The following TNPO3 variants were observed in gnomAD, a reference collection of about 807,000 sequenced individuals.
TNPO3 encodes transportin 3.
A neutral mutation model predicts 122.8 loss-of-function variants in TNPO3; 65 were observed. The ratio of observed to expected loss-of-function variants is 0.53; its 90% CI spans 0.43 to 0.65. The LOEUF (loss-of-function observed/expected upper bound fraction) is 0.65. Among genes scored for constraint, TNPO3 ranks in the 30% least tolerant of loss-of-function variants. The pLI is 0.00. For synonymous variants in TNPO3, 372 were observed against 411.2 expected, an observed-to-expected ratio of 0.90 and a Z score of 1.15; for missense variants, 850 against 1,136.7, an observed-to-expected ratio of 0.75 and a Z score of 3.63.
chr7:128,998,004 A>AT (rs71162546), intron 7 of TNPO3, among the ~76,000 whole-genome samples: 3,058 of 129,378 alleles, frequency 0.024, 48 homozygotes, highest in African/African-American at 0.029. Context: ...AGCTCAGCTA[A>AT]TTTTTTTTTT....
chr7:129,020,289 TTTAA>T (rs1210471640), intron 1 of TNPO3, among the ~76,000 whole-genome samples: 2 of 152,164 alleles, frequency 1.3e-5, no homozygotes, highest in Admixed American at 6.6e-5. Flanking sequence ...TCAACAAATG[TTTAA>T]TTAATTAATG....
Position 129,048,236 on chromosome 7 carries a change from C to G in TNPO3, c.120+6415G>C, listed in dbSNP as rs575464915. ...CAGAGTGAGACCCTGTCTCAAAAAA[C>G]TAAATAAATAGACCAGGTGCAGTGG... On this transcript the variant is annotated intron_variant, in intron 1 of 22. Coordinates refer to ENST00000265388, the MANE Select transcript of TNPO3 (RefSeq NM_012470.4). Among the ~76,000 whole-genome samples, 79 of 151,996 alleles carry G rather than the reference C, an allele frequency of 5.2e-4. 1 individual carries two copies. The highest frequency in any genetic ancestry group is 1.8e-3 in the African/African-American group (73 of 41,484).
At chr7:128,990,284 T>G (rs905402189) in intron 10 of TNPO3, 184 bp from the exon 11 acceptor site, 1 of 703,316 alleles carries the variant, frequency 1.4e-6, no homozygotes, top group Admixed American at 2.3e-5. Context: ...AAGATAGAAA[T>G]GAAAGATATT....
intron 11 of TNPO3, among the ~76,000 whole-genome samples, chr7:128,988,990 T>C (rs1322135780): frequency 6.6e-6 from 1 of 152,064 alleles, no homozygotes; most frequent in Non-Finnish European, 1.5e-5. Flanking sequence ...GGCAGGAGAA[T>C]CACTTGAACC....
intron 9 of TNPO3, 94 bp downstream of exon 9, chr7:128,993,713 T>C (rs1800997627): frequency 9.1e-7 from 1 of 1,096,130 alleles, no homozygotes; most frequent in Non-Finnish European, 1.3e-6. Context: ...GCCACTAAAA[T>C]TGAAGAAATA....
In TNPO3 at chr7:128,970,138, A is replaced by G; in HGVS notation, c.2598+10T>C. The G allele has an allele frequency of 6.2e-7, 1 of 1,614,014 alleles. No individual in the cohort carries two copies. Among genetic ancestry groups the G allele is most frequent in the Non-Finnish European group, 8.5e-7 (1 of 1,179,932 alleles). ...ACTATGAGATAAATTCCTCATGAAAACAATCTTACCGGTCTGTCAACCTGC... is the reference window on the plus strand; with the variant it reads ...ACTATGAGATAAATTCCTCATGAAAGCAATCTTACCGGTCTGTCAACCTGC... On this transcript the variant is annotated intron_variant, in intron 20 of 22. Coordinates refer to ENST00000265388, the MANE Select transcript of TNPO3 (RefSeq NM_012470.4).
At chr7:128,996,550 T>C (rs957310564) in intron 8 of TNPO3, among the ~76,000 whole-genome samples, 2 of 151,970 alleles carry the variant, frequency 1.3e-5, no homozygotes, top group East Asian at 3.9e-4. Flanking sequence ...GAGACCATCC[T>C]GGCTAACACG....
chr7:128,967,164 G>T, intron 21 of TNPO3, 116 bp downstream of exon 21: 1 of 687,714 alleles, frequency 1.5e-6, no homozygotes, highest in Non-Finnish European at 2.5e-6. Flanking sequence ...ATGCCAATTT[G>T]TGCAATTCAA....
intron 1 of TNPO3, among the ~76,000 whole-genome samples, chr7:129,022,817 T>C (rs905177533): frequency 6.6e-6 from 1 of 152,204 alleles, no homozygotes; most frequent in African/African-American, 2.4e-5. Flanking sequence ...AACTGTTACT[T>C]GCAAAAATGT....
chr7:128,970,464 G>A (rs911794179), intron 19 of TNPO3, 149 bp from the exon 20 acceptor site: 15 of 610,060 alleles, frequency 2.5e-5, no homozygotes, highest in Non-Finnish European at 4.0e-5. Flanking sequence ...GCAGGTGTGT[G>A]TAAAATGACA....
At chr7:129,036,099 G>A (rs1192196466) in intron 1 of TNPO3, among the ~76,000 whole-genome samples, 1 of 151,806 alleles carries the variant, frequency 6.6e-6, no homozygotes, top group South Asian at 2.1e-4. Context: ...GACTCCAGGC[G>A]CCTGCCACCA....
At chr7:129,013,111 T>G (rs1433020634) in intron 4 of TNPO3, among the ~76,000 whole-genome samples, 1 of 152,194 alleles carries the variant, frequency 6.6e-6, no homozygotes, top group Non-Finnish European at 1.5e-5. Context: ...AATCCTTTCT[T>G]TTATCTCTCA....
intron 4 of TNPO3, among the ~76,000 whole-genome samples, chr7:129,007,977 C>T (rs1421921850): frequency 3.3e-5 from 5 of 151,702 alleles, no homozygotes; most frequent in African/African-American, 4.8e-5. Context: ...GGTGAAACCC[C>T]GTCTCTACTA....
rs1798709973 is a variant in TNPO3, at chr7:128,973,598, T to C, written c.2274-1016A>G. Among the ~76,000 whole-genome samples the C allele has an allele frequency of 3.3e-5, 5 of 150,166 alleles. No homozygotes were observed. In the South Asian group the frequency reaches 1.1e-3, roughly 32 times the overall value. The stretch of plus-strand genomic sequence containing the variant: ...AAAAATACAAAAAATTAGCTGGGTG[T>C]GGTGGCGGGTGCCTGTAGTCCCAGC... On this transcript the variant is annotated intron_variant, in intron 18 of 22. Coordinates refer to ENST00000265388, the MANE Select transcript of TNPO3 (RefSeq NM_012470.4).
Position 129,045,510 on chromosome 7 carries a change from C to A in TNPO3, c.120+9141G>T, listed in dbSNP as rs567625868. On this transcript the variant is annotated intron_variant, in intron 1 of 22. Transcript: ENST00000265388. Reference sequence around the variant, plus strand: ...GACCCTGTCTCAGAAAAAAAAAAAACGTTAAAATGCTAAATTTATGTTTTG... The same window carrying A: ...GACCCTGTCTCAGAAAAAAAAAAAAAGTTAAAATGCTAAATTTATGTTTTG... Among the ~76,000 whole-genome samples, 481 of 146,368 alleles carry A rather than the reference C, an allele frequency of 3.3e-3. 2 individuals carry two copies. Among genetic ancestry groups the A allele is most frequent in the African/African-American group, 0.012 (460 of 39,780 alleles).
chr7:128,963,661 T>C (rs190516591), intron 21 of TNPO3, among the ~76,000 whole-genome samples: 6 of 152,370 alleles, frequency 3.9e-5, no homozygotes, highest in African/African-American at 1.4e-4. Flanking sequence ...CTTAAGCCAC[T>C]TAGTGAACTA....
At chr7:129,001,683 A>G (rs1326901295) in intron 5 of TNPO3, among the ~76,000 whole-genome samples, 2 of 152,194 alleles carry the variant, frequency 1.3e-5, no homozygotes, top group Non-Finnish European at 2.9e-5. Context: ...TGTACTTTAA[A>G]TGTGTAACAG....
intron 21 of TNPO3, among the ~76,000 whole-genome samples, chr7:128,958,392 C>A (rs1242997905): frequency 1.3e-5 from 2 of 152,246 alleles, no homozygotes; most frequent in Admixed American, 6.5e-5. Flanking sequence ...ATCCGCCCGC[C>A]TCGGCCTCAC....
intron 4 of TNPO3, among the ~76,000 whole-genome samples, chr7:129,013,082 C>A (rs76623628): frequency 0.011 from 1,610 of 152,292 alleles, 17 homozygotes; most frequent in Middle Eastern, 0.014. Flanking sequence ...TATCACCTTT[C>A]AGTTCATCTT....
Sources: allele counts gnomAD v4.1 joint callset (sites outside exome capture counted in the v4.1 genomes callset), GRCh38; gene constraint gnomAD v4.1.1; transcripts MANE v1.5; gene names NCBI Gene and HGNC (gene_info 2026-07-23, HGNC 2026-07-21).